COL4A2: variants seen among roughly 807,000 people sequenced by gnomAD.
The protein encoded by COL4A2 is collagen alpha-2(IV) chain.
In COL4A2, 99 loss-of-function variants were observed where a neutral mutation model predicts 200.2. The observed-to-expected ratio is 0.49, with a 90% CI of 0.42 to 0.58. The LOEUF is 0.58. Among genes scored for constraint, COL4A2 ranks in the 20% least tolerant of loss-of-function variants. The pLI, the probability that COL4A2 is intolerant of heterozygous loss-of-function variation, is 0.00. For missense variants in COL4A2, 1,950 were observed against 2,314.1 expected, an observed-to-expected ratio of 0.84 and a Z score of 3.23; for synonymous variants, 897 against 900.6, an observed-to-expected ratio of 1.00 and a Z score of 0.07.
At chr13:110,472,466 G>A (rs932945387) in intron 28 of COL4A2, among the ~76,000 whole-genome samples, 8 of 152,108 alleles carry the variant, frequency 5.3e-5, no homozygotes, top group South Asian at 2.1e-4. Flanking sequence ...CGACAGTGAC[G>A]GGTTTCTACC....
At chr13:110,478,516 C>A (rs11619356) in intron 30 of COL4A2, among the ~76,000 whole-genome samples, 1 of 152,118 alleles carries the variant, frequency 6.6e-6, no homozygotes, top group Admixed American at 6.5e-5. Context: ...CAGGTGGCTC[C>A]GTCAGGGAAA....
chr13:110,491,161 A>G, intron 36 of COL4A2, 72 bp from the exon 37 acceptor site: 13 of 1,015,810 alleles, frequency 1.3e-5, no homozygotes, highest in Middle Eastern at 2.7e-4. Context: ...TGCACATCCT[A>G]GAGCCGGGGT....
chr13:110,346,950 G>A (rs1473079672), intron 3 of COL4A2, among the ~76,000 whole-genome samples: 10 of 152,346 alleles, frequency 6.6e-5, no homozygotes, highest in Admixed American at 5.2e-4. Context: ...TGCGCTTATC[G>A]TGGCTCACTG....
chr13:110,507,788 CT>C, intron 46 of COL4A2, 146 bp from the exon 47 acceptor site: 1 of 742,768 alleles, frequency 1.3e-6, no homozygotes, highest in Non-Finnish European at 2.2e-6. Context: ...ATTGGGAAGC[CT>C]TAGCCTGGCC....
chr13:110,478,218 A>C (rs1177026958), intron 30 of COL4A2, 54 bp downstream of exon 30: 2 of 1,447,970 alleles, frequency 1.4e-6, no homozygotes, highest in African/African-American at 2.9e-5. Context: ...TCCTGCCAAG[A>C]GAATGAGCAC....
chr13:110,453,016 T>G (rs1414217294), intron 20 of COL4A2, among the ~76,000 whole-genome samples: 1 of 152,062 alleles, frequency 6.6e-6, no homozygotes, highest in African/African-American at 2.4e-5. Flanking sequence ...TCTGCCCACC[T>G]CGGCCTCCCA....
intron 4 of COL4A2, among the ~76,000 whole-genome samples, chr13:110,378,764 C>T (rs1878344694): frequency 6.6e-6 from 1 of 152,204 alleles, no homozygotes; most frequent in African/African-American, 2.4e-5. Context: ...GAAGCAAACC[C>T]TTCGAACCAC....
At chr13:110,358,310 C>T (rs1429672580) in intron 4 of COL4A2, among the ~76,000 whole-genome samples, 1 of 152,196 alleles carries the variant, frequency 6.6e-6, no homozygotes, top group Non-Finnish European at 1.5e-5. Context: ...TCTTTCACCT[C>T]CACATCTTGT....
At chr13:110,489,367 G>T in intron 34 of COL4A2, 78 bp from the exon 35 acceptor site, 1 of 1,383,138 alleles carries the variant, frequency 7.2e-7, no homozygotes. Context: ...ATACTGGATA[G>T]TTAAATAAGT....
In COL4A2 at chr13:110,503,301, A is replaced by G. The variant is rs775458274; in HGVS notation, c.4039+19A>G. 1 of 1,597,480 alleles carries G rather than the reference A, an allele frequency of 6.3e-7. No individual in the cohort carries two copies. Among genetic ancestry groups the G allele is most frequent in the South Asian group, 1.1e-5 (1 of 89,504 alleles). Reference sequence around the variant, plus strand: ...GAAAAAGGTAACAGTGCCCATGGCCATGGGCCAGCAGCCCTGGCCACAGTG... The same window carrying G: ...GAAAAAGGTAACAGTGCCCATGGCCGTGGGCCAGCAGCCCTGGCCACAGTG... On this transcript the variant is annotated intron_variant, in intron 42 of 47. Transcript: ENST00000360467.
At chr13:110,333,840 T>G (rs1405972592) in intron 3 of COL4A2, among the ~76,000 whole-genome samples, 1 of 152,218 alleles carries the variant, frequency 6.6e-6, no homozygotes, top group South Asian at 2.1e-4. Context: ...GATAAGTTCT[T>G]ATCACGATCT....
chr13:110,441,000 G>A (rs75192013), intron 16 of COL4A2, among the ~76,000 whole-genome samples: 1,587 of 152,286 alleles, frequency 0.01, 21 homozygotes, highest in African/African-American at 0.034. Flanking sequence ...CAGTCAATAG[G>A]TGCGCCATAT....
rs542808557 is a variant in COL4A2 at position 110,357,701 on chromosome 13, C to T, written c.180+149C>T. The T allele has an allele frequency of 4.8e-5, 58 of 1,210,412 alleles. No individual in the cohort carries two copies. In the South Asian group the frequency reaches 5.6e-4, roughly 12 times the overall value. The allele number at this position is 1,210,412 out of a possible 1,614,324, so 75.0% of individuals were successfully genotyped here. On this transcript the variant is annotated intron_variant, in intron 4 of 47. Coordinates refer to ENST00000360467, the MANE Select transcript of COL4A2 (RefSeq NM_001846.4). Reference sequence around the variant, plus strand: ...GAGTACTCACACAAACCTAGATGGCCGGGCCTACTACACACCCGGCTGTGT... The same window carrying T: ...GAGTACTCACACAAACCTAGATGGCTGGGCCTACTACACACCCGGCTGTGT...
chr13:110,429,621 A>G (rs894702949), intron 7 of COL4A2, among the ~76,000 whole-genome samples: 12 of 152,220 alleles, frequency 7.9e-5, no homozygotes, highest in African/African-American at 2.7e-4. Context: ...CAGAGCATTC[A>G]TTTGGGTTTT....
At chr13:110,388,977 T>C (rs1878880824) in intron 4 of COL4A2, among the ~76,000 whole-genome samples, 1 of 152,244 alleles carries the variant, frequency 6.6e-6, no homozygotes, top group Non-Finnish European at 1.5e-5. Flanking sequence ...GCTGTGGCCC[T>C]GCGATCTCCA....
intron 25 of COL4A2, 65 bp downstream of exon 25, chr13:110,465,671 T>C: frequency 7.2e-7 from 1 of 1,390,148 alleles, no homozygotes; most frequent in Non-Finnish European, 9.8e-7. Context: ...CCTTTGTCAG[T>C]GTAGACGTTT....
chr13:110,413,101 A>T (rs1879908460), intron 4 of COL4A2, among the ~76,000 whole-genome samples: 1 of 152,294 alleles, frequency 6.6e-6, no homozygotes, highest in Non-Finnish European at 1.5e-5. Flanking sequence ...GAGAGGGTGA[A>T]GTCCTCCACA....
At chr13:110,406,597 A>T (rs570801384) in intron 4 of COL4A2, among the ~76,000 whole-genome samples, 1 of 151,824 alleles carries the variant, frequency 6.6e-6, no homozygotes, top group Admixed American at 6.6e-5. Context: ...TTAATTAGAA[A>T]TTTAGATGTG....
intron 4 of COL4A2, among the ~76,000 whole-genome samples, chr13:110,388,177 C>T (rs778977421): frequency 1.1e-4 from 16 of 152,214 alleles, no homozygotes; most frequent in Admixed American, 3.3e-4. Flanking sequence ...CATTTCTATG[C>T]AATATGAAAC....
Sources: allele counts gnomAD v4.1 joint callset (sites outside exome capture counted in the v4.1 genomes callset), GRCh38; gene constraint gnomAD v4.1.1; transcripts MANE v1.5; gene names NCBI Gene and HGNC (gene_info 2026-07-23, HGNC 2026-07-21).